Variants in EVI5 observed in about 807,000 individuals in gnomAD.
EVI5 encodes ecotropic viral integration site 5.
EVI5 carries 73 observed loss-of-function variants against 112.0 expected under a neutral mutation model. The ratio of observed to expected loss-of-function variants is 0.65; its 90% CI spans 0.54 to 0.79. The LOEUF is 0.79. Ranked by LOEUF, EVI5 falls within the 30% of genes least tolerant of loss-of-function variation. The pLI is 0.00. For synonymous variants in EVI5, 305 were observed against 319.9 expected (o/e 0.95, Z 0.50); for missense variants, 900 against 968.8 (o/e 0.93, Z 0.94).
At chr1:92,718,734 A>G (rs1405513645) in intron 2 of EVI5, among the ~76,000 whole-genome samples, 1 of 152,150 alleles carries the variant, frequency 6.6e-6, no homozygotes, top group Non-Finnish European at 1.5e-5. Flanking sequence ...AAACCCTTCA[A>G]AAAAAATCGG....
At chr1:92,646,936 T>G in intron 13 of EVI5, 1 of 214,870 alleles carries the variant, frequency 4.7e-6, no homozygotes, top group South Asian at 8.5e-5. Context: ...ATTCTGTAAT[T>G]AAACCTAATG....
chr1:92,667,655 G>A (rs994707897), intron 10 of EVI5, among the ~76,000 whole-genome samples: 8 of 151,882 alleles, frequency 5.3e-5, no homozygotes, highest in African/African-American at 9.7e-5. Flanking sequence ...CCACTCTGTC[G>A]CCCAGGCTGG....
chr1:92,663,461 G>C lies in EVI5; in HGVS notation c.1213-9C>G. The C allele has an allele frequency of 1.5e-6, 2 of 1,367,006 alleles. No homozygotes were observed. Among genetic ancestry groups the C allele is most frequent in the Non-Finnish European group, 2.0e-6 (2 of 1,018,664 alleles). 84.7% of individuals were successfully genotyped at this position (1,367,006 alleles called of 1,614,324 possible). ...GCCAAGGAAGCACTTTCCTACAAAAGGAAAAATTCAGATAGAAATATAAGA... is the reference window on the plus strand; with the variant it reads ...GCCAAGGAAGCACTTTCCTACAAAACGAAAAATTCAGATAGAAATATAAGA... On this transcript the variant is annotated splice_polypyrimidine_tract_variant and intron_variant, in intron 11 of 19. Transcript: ENST00000684568.
chr1:92,715,765 T>C (rs932877756), intron 2 of EVI5, among the ~76,000 whole-genome samples: 2 of 152,136 alleles, frequency 1.3e-5, no homozygotes, highest in South Asian at 2.1e-4. Context: ...TCAAATATTG[T>C]GCTTTTCCAA....
chr1:92,663,361 A>T, intron 12 of EVI5, 59 bp downstream of exon 12: 1 of 815,766 alleles, frequency 1.2e-6, no homozygotes, highest in Non-Finnish European at 1.8e-6. Context: ...GAGGTTTAGG[A>T]CTTTCCTTAG....
At chr1:92,661,492 T>G (rs189861528) in intron 13 of EVI5, among the ~76,000 whole-genome samples, 31 of 152,292 alleles carry the variant, frequency 2.0e-4, no homozygotes, top group Admixed American at 2.0e-3. Flanking sequence ...CAAACAATAC[T>G]TATTGTGTTT....
At chr1:92,547,479 G>A (rs182167492) in intron 19 of EVI5, among the ~76,000 whole-genome samples, 5 of 152,272 alleles carry the variant, frequency 3.3e-5, no homozygotes, top group Non-Finnish European at 7.3e-5. Context: ...GCTAGCAGAA[G>A]GCGAGAAGTA....
chr1:92,673,009 A>G (rs1666123879), intron 10 of EVI5, among the ~76,000 whole-genome samples: 1 of 152,182 alleles, frequency 6.6e-6, no homozygotes, highest in African/African-American at 2.4e-5. Context: ...TCTGAAGCCT[A>G]ATTTCTTCAC....
chr1:92,777,571 T>C, intron 1 of EVI5, among the ~76,000 whole-genome samples: 1 of 152,202 alleles, frequency 6.6e-6, no homozygotes, highest in East Asian at 1.9e-4. Flanking sequence ...ATTTAGGTCC[T>C]CTACCTCCTG....
intron 18 of EVI5, among the ~76,000 whole-genome samples, chr1:92,595,856 G>C (rs1322146543): frequency 6.6e-6 from 1 of 152,196 alleles, no homozygotes; most frequent in Non-Finnish European, 1.5e-5. Flanking sequence ...AGTAACTTTA[G>C]TTGTATAATA....
At chr1:92,674,919 C>T (rs775936100) in intron 10 of EVI5, among the ~76,000 whole-genome samples, 2 of 152,226 alleles carry the variant, frequency 1.3e-5, no homozygotes, top group Non-Finnish European at 2.9e-5. Flanking sequence ...CACTAACTTT[C>T]TAAACTCTTT....
chr1:92,635,141 G>A (rs1463224928), intron 14 of EVI5, among the ~76,000 whole-genome samples: 2 of 152,216 alleles, frequency 1.3e-5, no homozygotes, highest in Non-Finnish European at 2.9e-5. Flanking sequence ...CCCCACTTGA[G>A]GAGGCAGTCT....
chr1:92,789,537 T>C (rs1221119082), upstream of EVI5, among the ~76,000 whole-genome samples: 3 of 152,112 alleles, frequency 2.0e-5, no homozygotes, highest in East Asian at 5.8e-4. Flanking sequence ...CTCCTGACCT[T>C]GTGATCCGCC....
At chr1:92,542,667 T>C (rs1268754053) in intron 19 of EVI5, among the ~76,000 whole-genome samples, 1 of 152,202 alleles carries the variant, frequency 6.6e-6, no homozygotes, top group East Asian at 1.9e-4. Context: ...TGTACTTTTA[T>C]GTAATGGAGC....
At chr1:92,650,433 A>G (rs918685963) in intron 13 of EVI5, among the ~76,000 whole-genome samples, 16 of 148,538 alleles carry the variant, frequency 1.1e-4, no homozygotes, top group African/African-American at 3.7e-4. Context: ...ATTCTTATGC[A>G]TTTTATTCTT....
intron 18 of EVI5, among the ~76,000 whole-genome samples, chr1:92,592,742 C>T (rs966993923): frequency 1.3e-5 from 2 of 152,162 alleles, no homozygotes; most frequent in African/African-American, 2.4e-5. Context: ...GGGGATATCA[C>T]CACCGATCCC....
At chr1:92,686,672 A>C (rs1668582867) in intron 9 of EVI5, among the ~76,000 whole-genome samples, 1 of 152,252 alleles carries the variant, frequency 6.6e-6, no homozygotes, top group Admixed American at 6.5e-5. Context: ...AAATCTCCTT[A>C]AGCTGATAAA....
In EVI5 at chr1:92,785,014, C is replaced by G. The variant is rs901786197; in HGVS notation, c.-260G>C. ...GCCGCCTCGCGACCCTCACCTACCCCTCCCGGCACCGCCGCTGTCGGAACT... is the reference window on the plus strand; with the variant it reads ...GCCGCCTCGCGACCCTCACCTACCCGTCCCGGCACCGCCGCTGTCGGAACT... On this transcript the variant is annotated 5_prime_UTR_variant, in exon 1 of 20. Transcript: ENST00000684568. The G allele has an allele frequency of 5.1e-6, 5 of 985,578 alleles. No individual in the cohort carries two copies. Among genetic ancestry groups the G allele is most frequent in the Non-Finnish European group, 6.0e-6 (5 of 830,060 alleles). 61.1% of individuals were successfully genotyped at this position (985,578 alleles called of 1,614,324 possible).
In EVI5 at chr1:92,509,038, G is replaced by A. The variant is rs10782922; in HGVS notation, c.*4618C>T. On this transcript the variant is annotated 3_prime_UTR_variant, in exon 20 of 20. Coordinates refer to ENST00000684568, the MANE Select transcript of EVI5 (RefSeq NM_001350197.2). ...CTTTCAAGCTAAAACTCATTGTTTT[G>A]GTAAGTAAATAACTGATTTCATGAA... The A allele has an allele frequency of 0.85, 129,754 of 152,210 alleles. 55,693 individuals carry two copies. The highest frequency in any genetic ancestry group is 0.97 in the East Asian group (5,023 of 5,188). 9.4% of individuals were successfully genotyped at this position (152,210 alleles called of 1,614,324 possible). A position where few individuals can be genotyped will look rare whatever the true frequency, so the allele number is the denominator to read the frequency against.
Sources: gnomAD v4.1 joint callset for allele counts (sites outside exome capture counted in the v4.1 genomes callset) on GRCh38, gnomAD v4.1.1 for gene constraint, MANE v1.5 for transcripts, NCBI Gene and HGNC (gene_info 2026-07-23, HGNC 2026-07-21) for gene names.